The following PRKCB variants were observed in gnomAD, a reference collection of about 807,000 sequenced individuals.
PRKCB encodes protein kinase C beta, also known as protein kinase C beta type.
In PRKCB, 13 loss-of-function variants were observed where a neutral mutation model predicts 81.5. That is an observed-to-expected ratio of 0.16 (90% CI 0.10 to 0.25). The LOEUF is 0.25. Ranked by LOEUF, PRKCB falls within the 10% of genes least tolerant of loss-of-function variation. The probability of loss-of-function intolerance (pLI) is 1.00; values close to 1 mark genes in which losing one functional copy is unlikely to be tolerated. For synonymous variants in PRKCB, 335 were observed against 321.4 expected, an observed-to-expected ratio of 1.04 and a Z score of -0.45; for missense variants, 509 against 875.7, an observed-to-expected ratio of 0.58 and a Z score of 5.29.
intron 1 of PRKCB, among the ~76,000 whole-genome samples, 173 bp downstream of exon 1, chr16:23,836,521 C>CGT (rs1170438393): frequency 6.6e-6 from 1 of 152,102 alleles, no homozygotes; most frequent in Non-Finnish European, 1.5e-5. Context: ...ACAGTCCTGC[C>CGT]GTTGCCCTGT....
At chr16:24,052,933 A>T (rs779628982) in intron 5 of PRKCB, among the ~76,000 whole-genome samples, 1 of 152,148 alleles carries the variant, frequency 6.6e-6, no homozygotes. Context: ...TTCAAGATGG[A>T]GTCACTCTGG....
intron 12 of PRKCB, among the ~76,000 whole-genome samples, chr16:24,175,385 G>A (rs1967512276): frequency 6.6e-6 from 1 of 151,704 alleles, no homozygotes; most frequent in Admixed American, 6.6e-5. Flanking sequence ...TATATTCTAG[G>A]CACTCTTCTG....
At chr16:24,105,547 A>G (rs983472792) in intron 7 of PRKCB, among the ~76,000 whole-genome samples, 1 of 151,840 alleles carries the variant, frequency 6.6e-6, no homozygotes. Context: ...CTCACCCCCT[A>G]ACAGGCCCCG....
At chr16:23,994,160 A>G (rs550571197) in intron 3 of PRKCB, among the ~76,000 whole-genome samples, 9 of 152,290 alleles carry the variant, frequency 5.9e-5, no homozygotes, top group Admixed American at 5.2e-4. Context: ...CCTTTTGGGG[A>G]CTACTGAACA....
At chr16:23,962,864 G>A (rs1191247087) in intron 2 of PRKCB, 1 of 151,878 alleles carries the variant, frequency 6.6e-6, no homozygotes, top group Non-Finnish European at 1.5e-5. Context: ...CAGTATATGT[G>A]GTATCCAATA....
intron 13 of PRKCB, among the ~76,000 whole-genome samples, chr16:24,181,919 C>G (rs1967633235): frequency 6.6e-6 from 1 of 151,932 alleles, no homozygotes; most frequent in South Asian, 2.1e-4. Context: ...TTTTATAACA[C>G]TGGTTACCTC....
chr16:24,029,127 G>A (rs560604957), intron 3 of PRKCB, among the ~76,000 whole-genome samples: 1 of 152,144 alleles, frequency 6.6e-6, no homozygotes, highest in African/African-American at 2.4e-5. Context: ...AGGATTCCTG[G>A]GTCCTAGGAG....
chr16:23,950,560 CT>C (rs1476326257), intron 2 of PRKCB, among the ~76,000 whole-genome samples: 1 of 152,174 alleles, frequency 6.6e-6, no homozygotes, highest in Non-Finnish European at 1.5e-5. Flanking sequence ...CTCTGAGTTC[CT>C]TTTAAAATAG....
chr16:24,073,100 G>A (rs546633965), intron 5 of PRKCB, among the ~76,000 whole-genome samples: 1 of 152,184 alleles, frequency 6.6e-6, no homozygotes, highest in Non-Finnish European at 1.5e-5. Context: ...AAGAGCCCTT[G>A]GATGTGATCT....
chr16:24,073,906 G>C (rs953502190), intron 5 of PRKCB, among the ~76,000 whole-genome samples: 3 of 152,128 alleles, frequency 2.0e-5, no homozygotes, highest in African/African-American at 7.2e-5. Context: ...ACTTTGGGAG[G>C]CCGAGGCAGG....
intron 5 of PRKCB, among the ~76,000 whole-genome samples, chr16:24,065,961 A>G (rs1045734758): frequency 1.3e-5 from 2 of 151,548 alleles, no homozygotes; most frequent in African/African-American, 4.9e-5. Flanking sequence ...ATTTTTGTTG[A>G]TTTTGTCAGT....
chr16:23,841,816 C>T lies in PRKCB; in HGVS notation c.205+4410C>T, dbSNP rs182849640. ...AACTACAGGCACGTGCCACCATGCC[C>T]GGCTAATTTTTATATTTTTAGTAGA... On this transcript the variant is annotated intron_variant, in intron 2 of 16. Transcript: ENST00000643927. Among the ~76,000 whole-genome samples, 18 of 151,680 alleles carry T rather than the reference C, an allele frequency of 1.2e-4. No individual in the cohort carries two copies. The East Asian group carries it at 1.7e-3, about 15-fold the overall frequency.
intron 2 of PRKCB, among the ~76,000 whole-genome samples, chr16:23,961,174 C>T (rs1360153138): frequency 6.6e-6 from 1 of 152,146 alleles, no homozygotes; most frequent in Non-Finnish European, 1.5e-5. Flanking sequence ...CTCCGAAGTG[C>T]TGGGATTACA....
rs1160958906 is a variant in PRKCB, at chr16:23,865,517, ATG to A, written c.205+28163_205+28164del. Among the ~76,000 whole-genome samples, 41 of 6,750 alleles carry A rather than the reference ATG, an allele frequency of 6.1e-3. 1 individual carries two copies. Among genetic ancestry groups the A allele is most frequent in the Non-Finnish European group, 7.8e-3 (32 of 4,104 alleles). 4.4% of individuals were successfully genotyped at this position (6,750 alleles called of 152,430 possible). On this transcript the variant is annotated intron_variant, in intron 2 of 16. Coordinates refer to ENST00000643927, the MANE Select transcript of PRKCB (RefSeq NM_002738.7). ...TATATATATATATATATATATATATATGTGTGTGTGTGTGTGTGTGTGTGTGT... is the reference window on the plus strand; with the variant it reads ...TATATATATATATATATATATATATATGTGTGTGTGTGTGTGTGTGTGTGT...
At chr16:23,950,623 T>A (rs1056417091) in intron 2 of PRKCB, among the ~76,000 whole-genome samples, 1 of 152,118 alleles carries the variant, frequency 6.6e-6, no homozygotes, top group Non-Finnish European at 1.5e-5. Context: ...TGGCACAGAG[T>A]AAACCCACGT....
chr16:23,942,415 T>C (rs1019054427), intron 2 of PRKCB, among the ~76,000 whole-genome samples: 3 of 152,258 alleles, frequency 2.0e-5, no homozygotes, highest in African/African-American at 7.2e-5. Flanking sequence ...ACAGTTAGGT[T>C]CTCACCAATG....
At chr16:24,178,975 G>A (rs1330885942) in intron 12 of PRKCB, among the ~76,000 whole-genome samples, 1 of 152,098 alleles carries the variant, frequency 6.6e-6, no homozygotes, top group Non-Finnish European at 1.5e-5. Context: ...ACGTTATGAG[G>A]GCACATTTTA....
At chr16:24,213,155 C>T (rs1270671103) in intron 16 of PRKCB, among the ~76,000 whole-genome samples, 1 of 151,964 alleles carries the variant, frequency 6.6e-6, no homozygotes, top group African/African-American at 2.4e-5. Context: ...CTGCTTCAGC[C>T]TCCTGAGTAG....
intron 2 of PRKCB, among the ~76,000 whole-genome samples, chr16:23,871,688 T>C (rs7195556): frequency 0.97 from 146,982 of 152,074 alleles, 71,064 homozygotes; most frequent in East Asian, 1. Context: ...GGTGATTCTC[T>C]GGTTTCAGCC....
Sources: gnomAD v4.1 joint callset for allele counts (sites outside exome capture counted in the v4.1 genomes callset) on GRCh38, gnomAD v4.1.1 for gene constraint, MANE v1.5 for transcripts, NCBI Gene and HGNC (gene_info 2026-07-23, HGNC 2026-07-21) for gene names.